Variants in VRK3 observed in about 807,000 individuals in gnomAD.
VRK3 encodes VRK serine/threonine kinase 3, also known as serine/threonine-protein kinase VRK3.
Under a neutral mutation model 60.4 loss-of-function variants are expected in VRK3, and 50 were observed. That is an observed-to-expected ratio of 0.83 (90% confidence interval 0.66 to 1.05). The LOEUF (loss-of-function observed/expected upper bound fraction) is 1.05, where lower values mean the gene tolerates loss of function less well. Among genes scored for constraint, VRK3 ranks in the 50% least tolerant of loss-of-function variants. VRK3 has a pLI of 0.00. For missense variants in VRK3, 549 were observed against 585.3 expected (o/e 0.94, Z 0.64); for synonymous variants, 246 against 227.8 (o/e 1.08, Z -0.72).
At chr19:49,982,798 G>T (rs534415109) in intron 12 of VRK3, among the ~76,000 whole-genome samples, 2 of 152,104 alleles carry the variant, frequency 1.3e-5, no homozygotes, top group Non-Finnish European at 2.9e-5. Context: ...ATGCATGCAC[G>T]TGCAACCGTT....
At chr19:49,990,310 A>G (rs888110171) in intron 10 of VRK3, among the ~76,000 whole-genome samples, 1 of 152,248 alleles carries the variant, frequency 6.6e-6, no homozygotes, top group African/African-American at 2.4e-5. Context: ...GGTTCTTATA[A>G]GGCTTAACTG....
At chr19:49,984,292 G>A (rs1350184135) in intron 12 of VRK3, among the ~76,000 whole-genome samples, 9 of 152,166 alleles carry the variant, frequency 5.9e-5, no homozygotes. Context: ...CACTGAATGC[G>A]TAAGTGGAGA....
intron 1 of VRK3, among the ~76,000 whole-genome samples, chr19:50,023,739 T>C (rs56115007): frequency 2.3e-5 from 2 of 88,784 alleles, no homozygotes; most frequent in South Asian, 3.5e-4. Context: ...AGAAGGTGGG[T>C]GGGGGGGGTC....
In VRK3 at chr19:50,016,042, G is replaced by A. The variant is rs769387118; in HGVS notation, c.121C>T (p.His41Tyr). The A allele has an allele frequency of 7.4e-6, 12 of 1,614,074 alleles. No individual in the cohort carries two copies. The highest frequency in any genetic ancestry group is 1.0e-5 in the Non-Finnish European group (12 of 1,180,034). Reference sequence around the variant, plus strand: ...TTCTTACCTTGGAAGGATGACACATGTGGATTGACAAAGGTCTGGGACCCT... The same window carrying A: ...TTCTTACCTTGGAAGGATGACACATATGGATTGACAAAGGTCTGGGACCCT... ...HVGSQTFVNP[H>Y]VSSFQGSKRG... is the part of the protein sequence containing the mutation. The change falls in exon 3 of 15, where the codon CAT becomes TAT. Residue 41 changes from histidine to tyrosine, a missense_variant. By Grantham distance (83) the His-to-Tyr change is moderately conservative. Transcript: ENST00000316763.
chr19:49,994,638 G>A (rs1278293787), intron 9 of VRK3, among the ~76,000 whole-genome samples, 176 bp downstream of exon 9: 1 of 152,222 alleles, frequency 6.6e-6, no homozygotes, highest in Non-Finnish European at 1.5e-5. Flanking sequence ...GCCCTCCACA[G>A]GACTGACCAC....
intron 13 of VRK3, among the ~76,000 whole-genome samples, chr19:49,979,643 C>G (rs2076389721): frequency 6.6e-6 from 1 of 152,206 alleles, no homozygotes; most frequent in Admixed American, 6.5e-5. Flanking sequence ...CCTCCACCTC[C>G]AACCTCTGGC....
At position 50,000,815 on chromosome 19, in the gene VRK3, T is replaced by C. The variant is rs1185834935; in HGVS notation, c.587A>G (p.Gln196Arg). The stretch of plus-strand genomic sequence containing the variant: ...CAGTTTGAGTGAGAACTTTTGCTTC[T>C]GTGGTCCTGAGTCACAGGTGAGGGT... The part of the protein sequence containing the change: ...TSTLTCDSGP[Q>R]KQKFSLKLDA... Residue 196 changes from glutamine to arginine, a missense_variant, in exon 6 of 15, where the codon CAG becomes CGG. By Grantham distance (43) the Gln-to-Arg change is conservative. Transcript: ENST00000316763. 2 of 1,613,924 alleles carry C rather than the reference T, an allele frequency of 1.2e-6. No homozygotes were observed. The highest frequency in any genetic ancestry group is 1.7e-5 in the Admixed American group (1 of 59,980).
Position 50,010,196 on chromosome 19 carries a change from T to C in VRK3, c.140-811A>G, listed in dbSNP as rs557673547. 2.1e-4 allele frequency among the ~76,000 whole-genome samples: 32 copies of C among 152,320 alleles called. No homozygotes were observed. The Middle Eastern group carries it at 0.01, about 49-fold the overall frequency. ...TAGAGTTTTTATTTGGTTCCTTCTC[T>C]TATTTGCCTGTGCAACTTTAACCTA... On this transcript the variant is annotated intron_variant, in intron 3 of 14. Coordinates refer to ENST00000316763, the MANE Select transcript of VRK3 (RefSeq NM_016440.4).
chr19:49,981,227 T>C (rs992401958), intron 12 of VRK3: 2 of 591,186 alleles, frequency 3.4e-6, no homozygotes, highest in Non-Finnish European at 6.1e-6. Context: ...TGCAAGCCTC[T>C]GGCCACACGA....
chr19:49,994,968 G>A (rs770072296), intron 8 of VRK3, 49 bp from the exon 9 acceptor site: 4 of 1,564,988 alleles, frequency 2.6e-6, no homozygotes, highest in Admixed American at 1.8e-5. Context: ...AGGGGAGAGA[G>A]GAGTACCGGC....
At chr19:49,987,152 C>T (rs932932288) in intron 12 of VRK3, among the ~76,000 whole-genome samples, 6 of 152,240 alleles carry the variant, frequency 3.9e-5, no homozygotes, top group African/African-American at 1.2e-4. Context: ...GGGATTAAGG[C>T]GTGAACCACC....
intron 3 of VRK3, 79 bp downstream of exon 3, chr19:50,015,945 G>A (rs2077068952): frequency 1.3e-6 from 2 of 1,589,730 alleles, no homozygotes; most frequent in Admixed American, 3.4e-5. Flanking sequence ...AGGCTGCAAA[G>A]GCATCCTCCC....
intron 2 of VRK3, chr19:50,018,939 G>A (rs2077119276): frequency 6.6e-6 from 1 of 151,906 alleles, no homozygotes; most frequent in Non-Finnish European, 1.5e-5. Context: ...GCCGAGGCGG[G>A]CGGATCACGA....
chr19:50,002,678 CA>C (rs763143130), intron 5 of VRK3, among the ~76,000 whole-genome samples: 26 of 152,296 alleles, frequency 1.7e-4, no homozygotes, highest in Non-Finnish European at 2.6e-4. Flanking sequence ...GCTAGCTGGG[CA>C]ATTTTCATTG....
chr19:50,002,161 C>G (rs913831680), intron 5 of VRK3, among the ~76,000 whole-genome samples: 19 of 152,166 alleles, frequency 1.2e-4, no homozygotes, highest in African/African-American at 4.6e-4. Context: ...GTCCCTCCTT[C>G]CTCTGTTCTC....
chr19:49,988,207 C>G, intron 12 of VRK3, 165 bp downstream of exon 12: 2 of 1,096,210 alleles, frequency 1.8e-6, no homozygotes, highest in East Asian at 6.0e-5. Flanking sequence ...CCTGCCTCGC[C>G]TGCTGTGTGG....
At chr19:49,985,672 C>T (rs955525776) in intron 12 of VRK3, among the ~76,000 whole-genome samples, 14 of 152,146 alleles carry the variant, frequency 9.2e-5, no homozygotes, top group Non-Finnish European at 1.6e-4. Context: ...TCCTGTCTCC[C>T]GCAATAGGAT....
chr19:49,984,316 T>G (rs1187035230), intron 12 of VRK3, among the ~76,000 whole-genome samples: 3 of 152,170 alleles, frequency 2.0e-5, no homozygotes, highest in Non-Finnish European at 4.4e-5. Context: ...TTCAGAGCTG[T>G]GCTGTCCTGT....
At chr19:49,980,279 C>T (rs541510737) in intron 13 of VRK3, among the ~76,000 whole-genome samples, 94 of 152,136 alleles carry the variant, frequency 6.2e-4, no homozygotes, top group Non-Finnish European at 9.1e-4. Flanking sequence ...TTATAAGTTA[C>T]GGTGCGGACA....
Sources: allele counts gnomAD v4.1 joint callset (sites outside exome capture counted in the v4.1 genomes callset), GRCh38; gene constraint gnomAD v4.1.1; transcripts MANE v1.5; gene names NCBI Gene and HGNC (gene_info 2026-07-23, HGNC 2026-07-21).